The following TMEM132D variants were observed in gnomAD, a reference collection of about 807,000 sequenced individuals.
The protein encoded by TMEM132D is mature OL transmembrane protein.
Under a neutral mutation model 62.3 loss-of-function variants are expected in TMEM132D, and 21 were observed. The ratio of observed to expected loss-of-function variants is 0.34; its 90% CI spans 0.24 to 0.49. The LOEUF is 0.49. Among genes scored for constraint, TMEM132D ranks in the 20% least tolerant of loss-of-function variants. The probability of loss-of-function intolerance (pLI) is 0.99; values close to 1 mark genes in which losing one functional copy is unlikely to be tolerated. For missense variants in TMEM132D, 1,346 were observed against 1,402.8 expected, an observed-to-expected ratio of 0.96 and a Z score of 0.65; for synonymous variants, 621 against 575.6, an observed-to-expected ratio of 1.08 and a Z score of -1.13.
At chr12:129,763,525 A>C (rs1565977437) in intron 1 of TMEM132D, among the ~76,000 whole-genome samples, 1 of 150,432 alleles carries the variant, frequency 6.6e-6, no homozygotes, top group Non-Finnish European at 1.5e-5. Flanking sequence ...TATAAGGCCT[A>C]CCTGTCCGCA....
At chr12:129,629,699 A>G (rs947241467) in intron 2 of TMEM132D, among the ~76,000 whole-genome samples, 5 of 152,126 alleles carry the variant, frequency 3.3e-5, no homozygotes, top group African/African-American at 1.2e-4. Flanking sequence ...AACAAACACC[A>G]TCCGTGAAAA....
At chr12:129,363,492 T>C (rs1186101650) in intron 3 of TMEM132D, among the ~76,000 whole-genome samples, 1 of 152,224 alleles carries the variant, frequency 6.6e-6, no homozygotes, top group East Asian at 1.9e-4. Flanking sequence ...AATCTACTAA[T>C]GGTTTTCTCA....
chr12:129,590,217 T>C (rs570632462), intron 2 of TMEM132D, among the ~76,000 whole-genome samples: 195 of 152,296 alleles, frequency 1.3e-3, no homozygotes, highest in Non-Finnish European at 2.4e-3. Context: ...AGGTGCCGTC[T>C]CATTTGTGAG....
chr12:129,592,036 A>G (rs1393514249), intron 2 of TMEM132D, among the ~76,000 whole-genome samples: 2 of 152,202 alleles, frequency 1.3e-5, no homozygotes, highest in Non-Finnish European at 2.9e-5. Flanking sequence ...AGGCTAATAA[A>G]GTTTTTTTCT....
At chr12:129,255,246 T>A (rs1191790114) in intron 4 of TMEM132D, among the ~76,000 whole-genome samples, 1 of 152,202 alleles carries the variant, frequency 6.6e-6, no homozygotes, top group African/African-American at 2.4e-5. Flanking sequence ...CTTTTCTTTA[T>A]AATTATGCAG....
intron 1 of TMEM132D, among the ~76,000 whole-genome samples, chr12:129,848,159 G>A (rs1873422507): frequency 6.6e-6 from 1 of 152,180 alleles, no homozygotes; most frequent in Non-Finnish European, 1.5e-5. Flanking sequence ...TTTCCTCTCT[G>A]AACCAAGGGT....
At chr12:129,588,026 T>C (rs1321922054) in intron 2 of TMEM132D, among the ~76,000 whole-genome samples, 2 of 152,214 alleles carry the variant, frequency 1.3e-5, no homozygotes, top group African/African-American at 4.8e-5. Flanking sequence ...TGGCTTCTGA[T>C]GGCTGCCCAG....
At chr12:129,743,068 C>G (rs537486097) in intron 1 of TMEM132D, among the ~76,000 whole-genome samples, 29 of 152,370 alleles carry the variant, frequency 1.9e-4, no homozygotes, top group Admixed American at 1.4e-3. Flanking sequence ...AGGGAAGAAT[C>G]TGCCCTCATG....
intron 4 of TMEM132D, among the ~76,000 whole-genome samples, chr12:129,278,423 A>C (rs1881054465): frequency 6.6e-6 from 1 of 152,152 alleles, no homozygotes. Flanking sequence ...GAAGCAAGGA[A>C]GCGACTGGTT....
At chr12:129,684,106 C>T (rs1375788779) in intron 2 of TMEM132D, among the ~76,000 whole-genome samples, 1 of 151,956 alleles carries the variant, frequency 6.6e-6, no homozygotes, top group Non-Finnish European at 1.5e-5. Context: ...TCTATAAATC[C>T]CCCCAAATAA....
chr12:129,121,710 C>T (rs1034235317), intron 5 of TMEM132D, among the ~76,000 whole-genome samples: 19 of 152,106 alleles, frequency 1.2e-4, no homozygotes, highest in African/African-American at 2.9e-4. Flanking sequence ...CACTACACCC[C>T]GGCCACCACA....
intron 2 of TMEM132D, among the ~76,000 whole-genome samples, chr12:129,639,661 C>T (rs1210225659): frequency 6.6e-6 from 1 of 152,118 alleles, no homozygotes; most frequent in East Asian, 1.9e-4. Flanking sequence ...AAGTACAAGT[C>T]AGGGTGCATC....
chr12:129,772,188 C>T (rs575751341), intron 1 of TMEM132D, among the ~76,000 whole-genome samples: 3 of 152,210 alleles, frequency 2.0e-5, no homozygotes, highest in South Asian at 2.1e-4. Context: ...AACAGGTGCA[C>T]GCCATTCCAA....
chr12:129,312,502 T>A (rs1881999482), intron 4 of TMEM132D, among the ~76,000 whole-genome samples: 1 of 152,360 alleles, frequency 6.6e-6, no homozygotes, highest in African/African-American at 2.4e-5. Context: ...TATTTATTCA[T>A]CTGAAAACAT....
chr12:129,451,289 C>A (rs1019565978), intron 3 of TMEM132D, among the ~76,000 whole-genome samples: 3 of 152,152 alleles, frequency 2.0e-5, no homozygotes, highest in Admixed American at 2.0e-4. Flanking sequence ...ACCCAGCTGG[C>A]AAGTTAGAAC....
chr12:129,227,780 A>G (rs1051521362), intron 4 of TMEM132D, among the ~76,000 whole-genome samples: 2 of 151,734 alleles, frequency 1.3e-5, no homozygotes, highest in Non-Finnish European at 2.9e-5. Flanking sequence ...CCTGGTGTGT[A>G]ATGTTCCCCT....
intron 2 of TMEM132D, among the ~76,000 whole-genome samples, chr12:129,601,682 TAGA>T (rs1451349739): frequency 2.6e-5 from 4 of 151,966 alleles, no homozygotes; most frequent in African/African-American, 9.7e-5. Flanking sequence ...GGGAGAGAGA[TAGA>T]AGAATAGCTG....
At chr12:129,355,440 G>C (rs1759280729) in intron 3 of TMEM132D, among the ~76,000 whole-genome samples, 1 of 152,024 alleles carries the variant, frequency 6.6e-6, no homozygotes, top group Non-Finnish European at 1.5e-5. Flanking sequence ...GGTGGGTGGG[G>C]GAAGCGGAGA....
chr12:129,430,596 C>T (rs568358019), intron 3 of TMEM132D, among the ~76,000 whole-genome samples: 2 of 152,114 alleles, frequency 1.3e-5, no homozygotes, highest in Non-Finnish European at 2.9e-5. Flanking sequence ...GCCACCACAC[C>T]CAGCCCAGTT....
Sources: allele counts gnomAD v4.1 joint callset (sites outside exome capture counted in the v4.1 genomes callset), GRCh38; gene constraint gnomAD v4.1.1; transcripts MANE v1.5; gene names NCBI Gene and HGNC (gene_info 2026-07-23, HGNC 2026-07-21).